THYN1: variants seen among roughly 807,000 people sequenced by gnomAD.
THYN1 encodes the protein thymocyte nuclear protein 1.
Under a neutral mutation model 30.6 loss-of-function variants are expected in THYN1, and 32 were observed. That is an observed-to-expected ratio of 1.05 (90% CI 0.79 to 1.40). The LOEUF (loss-of-function observed/expected upper bound fraction) is 1.40, where lower values mean the gene tolerates loss of function less well. Among genes scored for constraint, THYN1 ranks in the 40% most tolerant of loss-of-function variants. The probability of loss-of-function intolerance (pLI) is 0.00; values close to 1 mark genes in which losing one functional copy is unlikely to be tolerated. For missense variants in THYN1, 259 were observed against 272.6 expected (o/e 0.95, Z 0.35); for synonymous variants, 107 against 90.8 (o/e 1.18, Z -1.01).
At chr11:134,251,060 A>G (rs1235072711) in intron 2 of THYN1, 70 bp downstream of exon 2, 3 of 1,460,814 alleles carry the variant, frequency 2.1e-6, no homozygotes, top group Middle Eastern at 2.6e-4. Flanking sequence ...ATGGAACCCT[A>G]TGGTGTCCCA....
At position 134,252,829 on chromosome 11, in the gene THYN1, G is replaced by T; in HGVS notation, c.43+11C>A. 7 of 1,613,570 alleles carry T rather than the reference G, an allele frequency of 4.3e-6. No homozygotes were observed. Among genetic ancestry groups the T allele is most frequent in the Non-Finnish European group, 5.9e-6 (7 of 1,179,872 alleles). The stretch of plus-strand genomic sequence containing the variant: ...CTTGGGCTGCCTTTGTGCAGCCTAG[G>T]GGCAGCTCACCTGAACCAGAAGTCC... On this transcript the variant is annotated intron_variant, in intron 1 of 6. Transcript: ENST00000341541.
At chr11:134,249,109 C>G (rs780751551) in intron 5 of THYN1, 58 bp downstream of exon 5, 1 of 1,572,604 alleles carries the variant, frequency 6.4e-7, no homozygotes, top group Non-Finnish European at 8.7e-7. Context: ...TCACCCCAAC[C>G]GTCTTCTTCC....
chr11:134,248,603 A>C, intron 6 of THYN1, 119 bp from the exon 7 acceptor site: 1 of 1,424,474 alleles, frequency 7.0e-7, no homozygotes, highest in Non-Finnish European at 9.8e-7. Context: ...CATTCGTTCA[A>C]AACTATTTAC....
At chr11:134,249,628 T>C (rs1329049852) in intron 4 of THYN1, among the ~76,000 whole-genome samples, 200 bp downstream of exon 4, 1 of 151,860 alleles carries the variant, frequency 6.6e-6, no homozygotes. Context: ...AAGTCTGTGC[T>C]AGTCGGACCT....
Position 134,253,074 on chromosome 11 carries a change from C to A in THYN1, c.-192G>T. On this transcript the variant is annotated 5_prime_UTR_variant, in exon 1 of 7. Coordinates refer to ENST00000341541, the MANE Select transcript of THYN1 (RefSeq NM_014174.3). ...CAAATCCTTCCCTCCGTTATCTGCG[C>A]CATTTCCATCTCGCATAACCTGCCC... 7.2e-7 allele frequency: 1 copy of A among 1,389,392 alleles called. No individual in the cohort carries two copies. Among genetic ancestry groups the A allele is most frequent in the Middle Eastern group, 2.7e-4 (1 of 3,748 alleles). The allele number at this position is 1,389,392 out of a possible 1,614,324, so 86.1% of individuals were successfully genotyped here.
intron 3 of THYN1, 93 bp from the exon 4 acceptor site, chr11:134,250,013 A>C: frequency 7.8e-7 from 1 of 1,277,122 alleles, no homozygotes; most frequent in Non-Finnish European, 1.1e-6. Flanking sequence ...TAGATGGGTG[A>C]TTCTTGTCTG....
At position 134,248,489 on chromosome 11, in the gene THYN1, A is replaced by C. The variant is rs1442726384; in HGVS notation, c.632-5T>G. The C allele has an allele frequency of 2.4e-6, 3 of 1,242,026 alleles. No individual in the cohort carries two copies. The highest frequency in any genetic ancestry group is 3.3e-6 in the Non-Finnish European group (3 of 901,658). The allele number at this position is 1,242,026 out of a possible 1,614,324, so 76.9% of individuals were successfully genotyped here. The stretch of plus-strand genomic sequence containing the variant: ...TCAAAACAAAATCAAACTCTTCTAC[A>C]AAAAAAAAAGGGAAAAAGGAAGGAT... On this transcript the variant is annotated splice_polypyrimidine_tract_variant and splice_region_variant and intron_variant, in intron 6 of 6. Coordinates refer to ENST00000341541, the MANE Select transcript of THYN1 (RefSeq NM_014174.3).
Position 134,248,389 on chromosome 11 carries a change from T to C in THYN1, c.*49A>G, listed in dbSNP as rs776530634. 2 of 1,612,584 alleles carry C rather than the reference T, an allele frequency of 1.2e-6. No individual in the cohort carries two copies. The highest frequency in any genetic ancestry group is 3.3e-5 in the Admixed American group (2 of 60,002). On this transcript the variant is annotated 3_prime_UTR_variant, in exon 7 of 7. Coordinates refer to ENST00000341541, the MANE Select transcript of THYN1 (RefSeq NM_014174.3). Reference sequence around the variant, plus strand: ...CTCACACCTTTTGTCTGAAAAAAGCTTGACTTCTTTGCAGCAATGTCTCGC... The same window carrying C: ...CTCACACCTTTTGTCTGAAAAAAGCCTGACTTCTTTGCAGCAATGTCTCGC...
chr11:134,251,863 A>G (rs963951931), intron 1 of THYN1: 2 of 152,338 alleles, frequency 1.3e-5, no homozygotes, highest in Admixed American at 1.3e-4. Flanking sequence ...AATGGTGATG[A>G]TTCGATTTCA....
chr11:134,248,639 G>A (rs960857412), intron 6 of THYN1, among the ~76,000 whole-genome samples, 155 bp from the exon 7 acceptor site: 3 of 152,204 alleles, frequency 2.0e-5, no homozygotes, highest in Non-Finnish European at 2.9e-5. Context: ...ATAGAGTACT[G>A]GGTAATAGTA....
At chr11:134,252,770 G>A (rs1435705421) in intron 1 of THYN1, 70 bp downstream of exon 1, 4 of 1,555,108 alleles carry the variant, frequency 2.6e-6, no homozygotes, top group African/African-American at 1.4e-5. Flanking sequence ...AGTGAAAAAT[G>A]AGTACTAAAC....
chr11:134,252,967 C>G lies in THYN1; in HGVS notation c.-85G>C. ...GAATGCTAATGTCCTCCAAAACCCG[C>G]GCAGAGCGAGATGGAGGCAACGAGA... On this transcript the variant is annotated 5_prime_UTR_variant, in exon 1 of 7. Transcript: ENST00000341541. 6.7e-7 allele frequency: 1 copy of G among 1,492,952 alleles called. No individual in the cohort carries two copies. Among genetic ancestry groups the G allele is most frequent in the Non-Finnish European group, 8.9e-7 (1 of 1,123,894 alleles). The allele number at this position is 1,492,952 out of a possible 1,614,324, so 92.5% of individuals were successfully genotyped here.
rs1939218653 is a variant in THYN1, at chr11:134,253,319, C to T, written c.-437G>A. The T allele has an allele frequency of 2.1e-6, 3 of 1,399,446 alleles. No homozygotes were observed. 86.7% of individuals were successfully genotyped at this position (1,399,446 alleles called of 1,614,324 possible). Reference sequence around the variant, plus strand: ...CAGACCCAACACTCTGCAGACTCGACTGCGGTCCGCCTCCGCTGCGCCGCA... The same window carrying T: ...CAGACCCAACACTCTGCAGACTCGATTGCGGTCCGCCTCCGCTGCGCCGCA... On this transcript the variant is annotated 5_prime_UTR_variant, in exon 1 of 7. Transcript: ENST00000341541.
At chr11:134,249,368 A>G in intron 4 of THYN1, 106 bp from the exon 5 acceptor site, 1 of 1,136,034 alleles carries the variant, frequency 8.8e-7, no homozygotes, top group Non-Finnish European at 1.3e-6. Context: ...TTCTTAACCC[A>G]TCTGCCTTGC....
intron 2 of THYN1, 40 bp from the exon 3 acceptor site, chr11:134,250,383 T>G (rs1200143577): frequency 6.2e-7 from 1 of 1,611,708 alleles, no homozygotes; most frequent in Non-Finnish European, 8.5e-7. Context: ...AAACAATCCT[T>G]GGCCAGTTAG....
intron 1 of THYN1, among the ~76,000 whole-genome samples, chr11:134,252,440 G>T (rs1180310898): frequency 2.0e-5 from 3 of 152,150 alleles, no homozygotes; most frequent in Admixed American, 6.5e-5. Flanking sequence ...TTTGCCCGTG[G>T]AAAGTCTCCC....
At position 134,248,836 on chromosome 11, in the gene THYN1, T is replaced by G. The variant is rs777781079; in HGVS notation, c.604A>C (p.Arg202=). ...TGGGTCAGGGGCTGGATTGATAATC[T>G]CTGGCGAGTGAAGAGAACCATATTT... ...LKNMVLFTRQ[R]LSIQPLTQEE... is the part of the protein sequence containing the mutation. The change falls in exon 6 of 7, where the codon AGA becomes CGA. Residue 202 remains arginine (R), a synonymous_variant. Transcript: ENST00000341541. The G allele has an allele frequency of 3.7e-6, 6 of 1,614,094 alleles. No individual in the cohort carries two copies. In the South Asian group the frequency reaches 4.4e-5, roughly 12 times the overall value.
rs1002116904 is a variant in THYN1 at position 134,248,951 on chromosome 11, T to C, written c.489A>G (p.Val163=). 2 of 1,614,090 alleles carry C rather than the reference T, an allele frequency of 1.2e-6. No individual in the cohort carries two copies. The highest frequency in any genetic ancestry group is 1.7e-5 in the Admixed American group (1 of 60,010). Reference sequence around the variant, plus strand: ...AACGTTTCATCATCCGAACAAACTGTACATCCACCTATGTGACAACAGTGT... The same window carrying C: ...AACGTTTCATCATCCGAACAAACTGCACATCCACCTATGTGACAACAGTGT... ...EDNPKWSMVD[V]QFVRMMKRFI... The change falls in exon 6 of 7, where the codon GTA becomes GTG. Residue 163 remains valine (V), a synonymous_variant. Coordinates refer to ENST00000341541, the MANE Select transcript of THYN1 (RefSeq NM_014174.3).
chr11:134,250,047 T>A, intron 3 of THYN1, 127 bp from the exon 4 acceptor site: 1 of 1,057,718 alleles, frequency 9.5e-7, no homozygotes, highest in Non-Finnish European at 1.4e-6. Context: ...CATTAGAAAG[T>A]CCTTCCCCTT....
Sources: allele counts gnomAD v4.1 joint callset (sites outside exome capture counted in the v4.1 genomes callset), GRCh38; gene constraint gnomAD v4.1.1; transcripts MANE v1.5; gene names NCBI Gene and HGNC (gene_info 2026-07-23, HGNC 2026-07-21).